PARD6B: variants seen among roughly 807,000 people sequenced by gnomAD.
The protein encoded by PARD6B is partitioning defective 6 homolog beta.
Under a neutral mutation model 10.5 loss-of-function variants are expected in PARD6B, and 4 were observed. The ratio of observed to expected loss-of-function variants is 0.38; its 90% CI spans 0.19 to 0.87. The LOEUF is 0.87. PARD6B is among the 40% of genes least tolerant of loss of function. The pLI, the probability that PARD6B is intolerant of heterozygous loss-of-function variation, is 0.41. For missense variants in PARD6B, 396 were observed against 470.6 expected (o/e 0.84, Z 1.47); for synonymous variants, 169 against 170.4 (o/e 0.99, Z 0.07).
At position 50,750,272 on chromosome 20, in the gene PARD6B, T is replaced by C. The variant is rs1222479329; in HGVS notation, c.903T>C (p.Asn301=). The change falls in exon 3 of 3, where the codon AAT becomes AAC. Residue 301 remains asparagine, a synonymous_variant. Transcript: ENST00000371610. The part of the protein sequence containing the change: ...SEEDDIIIED[N]GVPQQIPKAV... ...AAGATGACATTATCATTGAAGACAA[T>C]GGAGTGCCACAGCAGATTCCAAAAG... The C allele has an allele frequency of 6.2e-7, 1 of 1,614,038 alleles. No homozygotes were observed.
chr20:50,745,022 C>T (rs1205095057), intron 2 of PARD6B, among the ~76,000 whole-genome samples: 1 of 152,226 alleles, frequency 6.6e-6, no homozygotes, highest in African/African-American at 2.4e-5. Flanking sequence ...CAATTCCTGG[C>T]ACATAGTCAG....
rs1334029457 is a variant in PARD6B, at chr20:50,753,211, A to G, written c.*2723A>G. 80 of 984,966 alleles carry G rather than the reference A, an allele frequency of 8.1e-5. No individual in the cohort carries two copies. Among genetic ancestry groups the G allele is most frequent in the Non-Finnish European group, 9.2e-5 (76 of 829,316 alleles). 61.0% of individuals were successfully genotyped at this position (984,966 alleles called of 1,614,324 possible). A position where few individuals can be genotyped will look rare whatever the true frequency, so the allele number is the denominator to read the frequency against. ...CATGGAAATGGAAATCAAAGCTGCTATTGCTTTTTATTTTAATTATCCTGT... is the reference window on the plus strand; with the variant it reads ...CATGGAAATGGAAATCAAAGCTGCTGTTGCTTTTTATTTTAATTATCCTGT... On this transcript the variant is annotated 3_prime_UTR_variant, in exon 3 of 3. Transcript: ENST00000371610.
Position 50,752,537 on chromosome 20 carries a change from A to C in PARD6B, c.*2049A>C. 1.0e-6 allele frequency: 1 copy of C among 985,096 alleles called. No individual in the cohort carries two copies. The highest frequency in any genetic ancestry group is 1.2e-6 in the Non-Finnish European group (1 of 829,632). 61.0% of individuals were successfully genotyped at this position (985,096 alleles called of 1,614,324 possible). ...AATTCCTTGCCTGATTTTATTGTAC[A>C]GTGTGCACAAGCACAATGGTATGCT... is the stretch of plus-strand genomic sequence containing the variant. On this transcript the variant is annotated 3_prime_UTR_variant, in exon 3 of 3. Coordinates refer to ENST00000371610, the MANE Select transcript of PARD6B (RefSeq NM_032521.3).
At chr20:50,736,881 A>G (rs991449383) in intron 1 of PARD6B, among the ~76,000 whole-genome samples, 4 of 151,948 alleles carry the variant, frequency 2.6e-5, no homozygotes, top group Non-Finnish European at 2.9e-5. Context: ...TTGTATTTTT[A>G]GTAGAGACGG....
In PARD6B at chr20:50,750,322, A is replaced by G. The variant is rs1180541039; in HGVS notation, c.953A>G (p.Glu318Gly). ...GCTGTTCCTAATACTGAGAGCCTGG[A>G]GTCATTAACACAGATAGAGCTAAGC... ...PKAVPNTESL[E>G]SLTQIELSFE... The change falls in exon 3 of 3, where the codon GAG becomes GGG. Residue 318 changes from glutamate (E) to glycine (G), a missense_variant. Transcript: ENST00000371610. 2 of 1,614,230 alleles carry G rather than the reference A, an allele frequency of 1.2e-6. No homozygotes were observed. Among genetic ancestry groups the G allele is most frequent in the Non-Finnish European group, 1.7e-6 (2 of 1,180,042 alleles).
intron 2 of PARD6B, among the ~76,000 whole-genome samples, chr20:50,746,085 T>C (rs1320432555): frequency 6.6e-6 from 1 of 151,852 alleles, no homozygotes; most frequent in Admixed American, 6.6e-5. Context: ...TTTTTCTAGA[T>C]TTGCTTTTTA....
rs565068464 is a variant in PARD6B, at chr20:50,750,954, ATTTTTTTTTTTTTTTT to A, written c.*483_*498del. 6.4e-3 allele frequency: 2,483 copies of A among 385,986 alleles called. 5 individuals carry two copies. Among genetic ancestry groups the A allele is most frequent in the South Asian group, 9.7e-3 (58 of 5,976 alleles). The allele number at this position is 385,986 out of a possible 1,614,324, so 23.9% of individuals were successfully genotyped here. On this transcript the variant is annotated 3_prime_UTR_variant, in exon 3 of 3. Coordinates refer to ENST00000371610, the MANE Select transcript of PARD6B (RefSeq NM_032521.3). Reference sequence around the variant, plus strand: ...CTCATGTTCCCAATATTTTATTTTGATTTTTTTTTTTTTTTTTTTTTTTTTTTTTTTTAGTGACTGG... The same window carrying A: ...CTCATGTTCCCAATATTTTATTTTGATTTTTTTTTTTTTTTTAGTGACTGG...
intron 1 of PARD6B, among the ~76,000 whole-genome samples, chr20:50,732,362 T>C (rs1398005347): frequency 6.6e-6 from 1 of 152,218 alleles, no homozygotes; most frequent in African/African-American, 2.4e-5. Flanking sequence ...GCACTAACTT[T>C]GGTATGCATT....
intron 2 of PARD6B, 144 bp from the exon 3 acceptor site, chr20:50,749,515 T>A: frequency 1.4e-6 from 1 of 726,220 alleles, no homozygotes. Context: ...TGTACTAGAT[T>A]ATGATCTGAT....
chr20:50,736,695 G>GTTTTTTTTT (rs869114685), intron 1 of PARD6B, among the ~76,000 whole-genome samples: 5 of 139,578 alleles, frequency 3.6e-5, no homozygotes, highest in Admixed American at 7.2e-5. Context: ...TAGTGTTTTG[G>GTTTTTTTTT]TTTTTTTTTT....
chr20:50,741,812 C>T (rs538690475), intron 2 of PARD6B, among the ~76,000 whole-genome samples: 1 of 152,102 alleles, frequency 6.6e-6, no homozygotes, highest in East Asian at 1.9e-4. Context: ...TCCCAAAGTG[C>T]TGGGATTACA....
At chr20:50,743,023 A>G (rs1447011307) in intron 2 of PARD6B, among the ~76,000 whole-genome samples, 2 of 152,204 alleles carry the variant, frequency 1.3e-5, no homozygotes, top group African/African-American at 4.8e-5. Flanking sequence ...GGAGATGGGG[A>G]AGAGAAGGTA....
At chr20:50,732,917 A>AT (rs953856551) in intron 1 of PARD6B, among the ~76,000 whole-genome samples, 1 of 151,718 alleles carries the variant, frequency 6.6e-6, no homozygotes, top group Admixed American at 6.6e-5. Flanking sequence ...AAAAAAAAAA[A>AT]GTAATGGAGC....
chr20:50,744,227 G>A (rs2087551258), intron 2 of PARD6B, among the ~76,000 whole-genome samples: 1 of 146,084 alleles, frequency 6.8e-6, no homozygotes, highest in Non-Finnish European at 1.5e-5. Flanking sequence ...TGAGTCTCCT[G>A]CCTCATCCTC....
Position 50,750,734 on chromosome 20 carries a change from G to T in PARD6B, c.*246G>T, listed in dbSNP as rs376192736. On this transcript the variant is annotated 3_prime_UTR_variant, in exon 3 of 3. Transcript: ENST00000371610. Reference sequence around the variant, plus strand: ...TGAAGTTACGTGCTTTTGCTGTTTTGTCTGTGGAGAATCAGATGTTAAAGC... The same window carrying T: ...TGAAGTTACGTGCTTTTGCTGTTTTTTCTGTGGAGAATCAGATGTTAAAGC... The T allele has an allele frequency of 1.8e-5, 23 of 1,268,090 alleles. 1 individual carries two copies. The East Asian group carries it at 4.3e-4, about 23-fold the overall frequency. 78.6% of individuals were successfully genotyped at this position (1,268,090 alleles called of 1,614,324 possible).
At chr20:50,731,928 G>A (rs569723743) in intron 1 of PARD6B, 76 bp downstream of exon 1, 3 of 1,252,052 alleles carry the variant, frequency 2.4e-6, no homozygotes, top group East Asian at 6.4e-5. Context: ...CAGGCTCGGA[G>A]CGCCGGGGGA....
At chr20:50,743,502 CT>C (rs2087542438) in intron 2 of PARD6B, among the ~76,000 whole-genome samples, 1 of 152,034 alleles carries the variant, frequency 6.6e-6, no homozygotes, top group Admixed American at 6.6e-5. Flanking sequence ...TTGTAGGTGT[CT>C]TTTAAGGTTA....
rs1210430961 is a variant in PARD6B, at chr20:50,750,026, T to C, written c.657T>C (p.Asn219=). ...TTAATGATGAAGTTTTAGAAGTTAA[T>C]GGCATAGAAGTTTCAGGGAAGAGCC... ...LAVNDEVLEV[N]GIEVSGKSLD... is the part of the protein sequence containing the mutation. Residue 219 remains asparagine (N), a synonymous_variant, in exon 3 of 3, where the codon AAT becomes AAC. Transcript: ENST00000371610. The C allele has an allele frequency of 1.2e-6, 2 of 1,614,082 alleles. No individual in the cohort carries two copies. The highest frequency in any genetic ancestry group is 1.3e-5 in the African/African-American group (1 of 74,926).
chr20:50,749,329 C>T (rs911170208), intron 2 of PARD6B, among the ~76,000 whole-genome samples: 2 of 127,304 alleles, frequency 1.6e-5, no homozygotes, highest in Admixed American at 8.6e-5. Context: ...GTCGACAGAG[C>T]GAGACTCCAT....
Sources: allele counts gnomAD v4.1 joint callset (sites outside exome capture counted in the v4.1 genomes callset), GRCh38; gene constraint gnomAD v4.1.1; transcripts MANE v1.5; gene names NCBI Gene and HGNC (gene_info 2026-07-23, HGNC 2026-07-21).